Variants in METTL2A observed in about 807,000 individuals in gnomAD.
METTL2A encodes methyltransferase 2A, tRNA N3-cytidine, also known as tRNA N(3)-cytidine methyltransferase METTL2A.
A neutral mutation model predicts 49.4 loss-of-function variants in METTL2A; 45 were observed. That is an observed-to-expected ratio of 0.91 (90% CI 0.72 to 1.17). The LOEUF (loss-of-function observed/expected upper bound fraction) is 1.17. METTL2A is among the 50% of genes most tolerant of loss of function. The probability of loss-of-function intolerance (pLI) is 0.00; values close to 1 mark genes in which losing one functional copy is unlikely to be tolerated. For missense variants in METTL2A, 361 were observed against 462.2 expected (o/e 0.78, Z 2.01); for synonymous variants, 118 against 167.5 (o/e 0.70, Z 2.28).
intron 7 of METTL2A, among the ~76,000 whole-genome samples, chr17:62,446,331 G>A (rs762590611): frequency 6.8e-6 from 1 of 146,390 alleles, no homozygotes; most frequent in Non-Finnish European, 1.5e-5. Context: ...TTTTTTTTGA[G>A]ACGGAGTCTC....
At chr17:62,439,980 A>G (rs1407733812) in intron 5 of METTL2A, among the ~76,000 whole-genome samples, 1 of 150,710 alleles carries the variant, frequency 6.6e-6, no homozygotes, top group African/African-American at 2.4e-5. Context: ...ATAACATGCT[A>G]TTAGATTGAT....
chr17:62,432,460 G>A (rs2070671777), intron 4 of METTL2A, among the ~76,000 whole-genome samples: 1 of 152,092 alleles, frequency 6.6e-6, no homozygotes. Context: ...CCTGAGCCCA[G>A]GAGTTCAGGA....
At chr17:62,439,952 CTT>C (rs2070727540) in intron 5 of METTL2A, among the ~76,000 whole-genome samples, 2 of 151,860 alleles carry the variant, frequency 1.3e-5, no homozygotes, top group Non-Finnish European at 2.9e-5. Context: ...GATCTTTACT[CTT>C]TGAGTCCTCC....
intron 4 of METTL2A, among the ~76,000 whole-genome samples, chr17:62,433,742 CAAA>C (rs907463434): frequency 1.6e-4 from 20 of 124,198 alleles, no homozygotes; most frequent in Non-Finnish European, 2.8e-4. Flanking sequence ...CCTCGTGTCT[CAAA>C]AAAAAAAAAA....
At chr17:62,446,190 A>G (rs115650041) in intron 7 of METTL2A, among the ~76,000 whole-genome samples, 3,001 of 152,190 alleles carry the variant, frequency 0.02, 119 homozygotes, top group African/African-American at 0.068. Context: ...TTTTGCCGTT[A>G]TTGCCCAGGC....
chr17:62,441,521 A>C (rs1490929258), intron 6 of METTL2A, among the ~76,000 whole-genome samples: 1 of 152,034 alleles, frequency 6.6e-6, no homozygotes, highest in Non-Finnish European at 1.5e-5. Context: ...ATCTAGGCTC[A>C]TTGCAACCTC....
In METTL2A at chr17:62,450,012, T is replaced by A. The variant is rs1409722897; in HGVS notation, c.*1283T>A. On this transcript the variant is annotated 3_prime_UTR_variant, in exon 9 of 9. Transcript: ENST00000311506. ...GGGAGGCTGAGGCAGGAGAATCGTT[T>A]GAACCTGGGAGGTGGAGGTTGCAGT... 6.6e-6 allele frequency: 1 copy of A among 152,026 alleles called. No homozygotes were observed. The highest frequency in any genetic ancestry group is 1.5e-5 in the Non-Finnish European group (1 of 68,180). 9.4% of individuals were successfully genotyped at this position (152,026 alleles called of 1,614,324 possible).
chr17:62,439,417 GGTTT>G lies in METTL2A; in HGVS notation c.670-1183_670-1180del, dbSNP rs201222454. Among the ~76,000 whole-genome samples the G allele has an allele frequency of 4.3e-4, 65 of 150,288 alleles. 1 individual carries two copies. Among genetic ancestry groups the G allele is most frequent in the East Asian group, 3.2e-3 (16 of 4,996 alleles). On this transcript the variant is annotated intron_variant, in intron 5 of 8. Coordinates refer to ENST00000311506, the MANE Select transcript of METTL2A (RefSeq NM_181725.4). ...ACCGTGCCTAGCAGATCGTGCTTTT[GGTTT>G]GTTTGTTTGTTTGTTTTTGTTTTTG... is the stretch of plus-strand genomic sequence containing the variant.
Position 62,453,317 on chromosome 17 carries a change from A to G in METTL2A, c.*4588A>G, listed in dbSNP as rs1253110371. Among the ~76,000 whole-genome samples the G allele has an allele frequency of 6.6e-6, 1 of 152,194 alleles. No homozygotes were observed. Among genetic ancestry groups the G allele is most frequent in the Non-Finnish European group, 1.5e-5 (1 of 68,040 alleles). On this transcript the variant is annotated 3_prime_UTR_variant, in exon 9 of 9. Coordinates refer to ENST00000311506, the MANE Select transcript of METTL2A (RefSeq NM_181725.4). ...CGCTAATGATGGGCAGAGGACTGTT[A>G]CATTTGTTGGGAGGGATTAAAGTAT...
Position 62,447,779 on chromosome 17 carries a change from C to T in METTL2A, c.982+13C>T. ...TTCTTCACACAAGGTATGAAACACC[C>T]ATCTTTTTACACTAAAAGTCCCCAG... On this transcript the variant is annotated intron_variant, in intron 8 of 8. Transcript: ENST00000311506. The T allele has an allele frequency of 6.2e-7, 1 of 1,613,870 alleles. No homozygotes were observed. The highest frequency in any genetic ancestry group is 8.5e-7 in the Non-Finnish European group (1 of 1,179,810).
At chr17:62,445,023 C>T in intron 7 of METTL2A, 80 bp downstream of exon 7, 4 of 1,481,702 alleles carry the variant, frequency 2.7e-6, no homozygotes, top group Non-Finnish European at 3.7e-6. Flanking sequence ...AATCATCATT[C>T]TCAGCAAACT....
chr17:62,444,588 G>A (rs1333415623), intron 6 of METTL2A, among the ~76,000 whole-genome samples: 1 of 152,124 alleles, frequency 6.6e-6, no homozygotes, highest in Non-Finnish European at 1.5e-5. Flanking sequence ...CCAGGAGCAG[G>A]GAACTTTCTT....
At chr17:62,446,832 G>C (rs1418067431) in intron 7 of METTL2A, among the ~76,000 whole-genome samples, 1 of 152,140 alleles carries the variant, frequency 6.6e-6, no homozygotes, top group Non-Finnish European at 1.5e-5. Flanking sequence ...CAATGTGCAA[G>C]GGAGTATTTT....
At chr17:62,437,355 C>T (rs1238322418) in intron 5 of METTL2A, among the ~76,000 whole-genome samples, 2 of 152,012 alleles carry the variant, frequency 1.3e-5, no homozygotes, top group African/African-American at 4.8e-5. Flanking sequence ...AAATACAGCC[C>T]CAAGTTCCTG....
intron 8 of METTL2A, 109 bp downstream of exon 8, chr17:62,447,875 G>C (rs555325925): frequency 6.4e-7 from 1 of 1,562,176 alleles, no homozygotes; most frequent in East Asian, 2.3e-5. Context: ...TTTTAGGCAG[G>C]CTGTTTCCTG....
chr17:62,434,721 A>G (rs575843976), intron 4 of METTL2A: 4 of 157,122 alleles, frequency 2.5e-5, no homozygotes, highest in African/African-American at 9.6e-5. Context: ...TGTGTTGTTC[A>G]TCTTTATCTC....
In METTL2A at chr17:62,449,554, T is replaced by TA. The variant is rs1001442351; in HGVS notation, c.*832dup. The TA allele has an allele frequency of 9.0e-6, 3 of 332,720 alleles. No homozygotes were observed. Among genetic ancestry groups the TA allele is most frequent in the Non-Finnish European group, 1.7e-5 (3 of 173,134 alleles). 20.6% of individuals were successfully genotyped at this position (332,720 alleles called of 1,614,324 possible). A position where few individuals can be genotyped will look rare whatever the true frequency, so the allele number is the denominator to read the frequency against. On this transcript the variant is annotated 3_prime_UTR_variant, in exon 9 of 9. Coordinates refer to ENST00000311506, the MANE Select transcript of METTL2A (RefSeq NM_181725.4). ...GGTGAAACCCCGTCTCTACTAAAGA[T>TA]AAAAAAATTAGCTGAGTGTGTTGGT...
intron 5 of METTL2A, among the ~76,000 whole-genome samples, chr17:62,436,021 G>T (rs534962291): frequency 1.3e-5 from 2 of 152,182 alleles, no homozygotes; most frequent in Admixed American, 6.6e-5. Flanking sequence ...AGATCACGAG[G>T]TCAGGAGTTC....
chr17:62,446,515 G>A (rs1183522685), intron 7 of METTL2A, among the ~76,000 whole-genome samples: 2 of 152,144 alleles, frequency 1.3e-5, no homozygotes, highest in Non-Finnish European at 2.9e-5. Flanking sequence ...GTTTCACCAT[G>A]TTGGTCAGGC....
Sources: gnomAD v4.1 joint callset for allele counts (sites outside exome capture counted in the v4.1 genomes callset) on GRCh38, gnomAD v4.1.1 for gene constraint, MANE v1.5 for transcripts, NCBI Gene and HGNC (gene_info 2026-07-23, HGNC 2026-07-21) for gene names.